Variants in ENTPD5 observed in about 807,000 individuals in gnomAD.
The protein encoded by ENTPD5 is nucleoside diphosphate phosphatase ENTPD5.
ENTPD5 carries 49 observed loss-of-function variants against 60.2 expected under a neutral mutation model. That is an observed-to-expected ratio of 0.81 (90% CI 0.65 to 1.03). ENTPD5 has a LOEUF of 1.03. Ranked by LOEUF, ENTPD5 falls within the 50% of genes least tolerant of loss-of-function variation. ENTPD5 has a pLI of 0.00. For synonymous variants in ENTPD5, 187 were observed against 185.4 expected (o/e 1.01, Z -0.07); for missense variants, 480 against 507.6 (o/e 0.95, Z 0.52).
At chr14:74,000,401 T>C (rs1231718749) in intron 3 of ENTPD5, among the ~76,000 whole-genome samples, 1 of 148,836 alleles carries the variant, frequency 6.7e-6, no homozygotes, top group East Asian at 2.0e-4. Flanking sequence ...TGGAGGTTGC[T>C]GTGAGTTGAG....
At chr14:73,974,282 T>G (rs571699295) in intron 11 of ENTPD5, among the ~76,000 whole-genome samples, 3 of 152,162 alleles carry the variant, frequency 2.0e-5, no homozygotes, top group Admixed American at 1.3e-4. Flanking sequence ...ACAGCAACTT[T>G]CCACCTTTAT....
chr14:73,956,635 CT>C (rs2056450172), downstream of ENTPD5: 5 of 137,142 alleles, frequency 3.6e-5, no homozygotes, highest in Admixed American at 2.3e-4. Context: ...TTTTCATGTC[CT>C]TACTGGCCAT....
intron 3 of ENTPD5, among the ~76,000 whole-genome samples, chr14:73,998,400 C>T (rs1037791434): frequency 6.6e-5 from 10 of 151,826 alleles, no homozygotes; most frequent in African/African-American, 1.7e-4. Context: ...CCCCTTCTTT[C>T]GAAACAGATC....
At chr14:73,957,101 AT>A (rs1418106208), downstream of ENTPD5, among the ~76,000 whole-genome samples, 47 of 143,546 alleles carry the variant, frequency 3.3e-4, no homozygotes, top group Admixed American at 5.6e-4. Context: ...TATTATTATT[AT>A]TTTTTTTTTT....
intron 2 of ENTPD5, among the ~76,000 whole-genome samples, chr14:74,015,080 CAAAAA>C (rs57058415): frequency 8.0e-6 from 1 of 125,772 alleles, no homozygotes; most frequent in African/African-American, 2.9e-5. Flanking sequence ...GACTACCTCT[CAAAAA>C]AAAAAAAAAA....
At chr14:73,974,856 G>T in intron 11 of ENTPD5, 68 bp downstream of exon 11, 1 of 1,265,572 alleles carries the variant, frequency 7.9e-7, no homozygotes. Flanking sequence ...TATCAAGGAA[G>T]GGAAGAAGCA....
intron 10 of ENTPD5, 54 bp from the exon 11 acceptor site, chr14:73,975,039 A>T: frequency 7.6e-7 from 1 of 1,324,064 alleles, no homozygotes; most frequent in Non-Finnish European, 1.1e-6. Context: ...TCTCTAGCCT[A>T]AAGCTACCTC....
At chr14:73,987,765 A>C in intron 4 of ENTPD5, 121 bp downstream of exon 4, 2 of 771,554 alleles carry the variant, frequency 2.6e-6, no homozygotes, top group Non-Finnish European at 4.1e-6. Flanking sequence ...CTCTGAAGAA[A>C]GACATCCACT....
chr14:73,959,909 C>T (rs1166461134), downstream of ENTPD5: 2 of 1,188,428 alleles, frequency 1.7e-6, no homozygotes, highest in African/African-American at 3.2e-5. Context: ...AGTAACCAGT[C>T]AGCTGTCCCT....
intron 4 of ENTPD5, 28 bp downstream of exon 4, chr14:73,987,858 C>T (rs2057966218): frequency 1.2e-6 from 2 of 1,609,020 alleles, no homozygotes; most frequent in African/African-American, 2.7e-5. Context: ...GATTTACAGA[C>T]TCTACTAAGG....
chr14:73,985,899 C>T (rs945152403), intron 5 of ENTPD5, among the ~76,000 whole-genome samples: 2 of 151,800 alleles, frequency 1.3e-5, no homozygotes, highest in African/African-American at 4.8e-5. Context: ...TAGTGAAACC[C>T]CGTCTCTACT....
At chr14:73,962,870 A>AG (rs1271757237), downstream of ENTPD5, 6 of 1,016,794 alleles carry the variant, frequency 5.9e-6, no homozygotes, top group East Asian at 4.8e-5. Context: ...AAATAAAACA[A>AG]GGACACTTGG....
intron 15 of ENTPD5, among the ~76,000 whole-genome samples, chr14:73,967,699 CT>C (rs1201932144): frequency 1.3e-5 from 2 of 149,508 alleles, no homozygotes; most frequent in African/African-American, 4.9e-5. Context: ...ACTCAGAGGG[CT>C]GAGGTGGGAG....
At chr14:73,994,190 A>G (rs1398436949) in intron 3 of ENTPD5, among the ~76,000 whole-genome samples, 1 of 151,958 alleles carries the variant, frequency 6.6e-6, no homozygotes, top group Non-Finnish European at 1.5e-5. Context: ...CAATGGTGCA[A>G]TCTTGGCTCA....
chr14:73,962,221 C>T (rs1249784958), downstream of ENTPD5, among the ~76,000 whole-genome samples: 1 of 152,216 alleles, frequency 6.6e-6, no homozygotes, highest in African/African-American at 2.4e-5. Context: ...GCTGGGATTA[C>T]AGGCGTGAGC....
At chr14:73,977,120 A>G in intron 7 of ENTPD5, 61 bp from the exon 8 acceptor site, 1 of 1,513,540 alleles carries the variant, frequency 6.6e-7, no homozygotes, top group Admixed American at 2.0e-5. Context: ...CCTGGCCCCA[A>G]CCTTGTTTTT....
At chr14:73,979,472 C>CTTTTTTT (rs535777164) in intron 6 of ENTPD5, among the ~76,000 whole-genome samples, 1 of 137,680 alleles carries the variant, frequency 7.3e-6, no homozygotes, top group African/African-American at 2.7e-5. Flanking sequence ...ATAGTAAGCA[C>CTTTTTTT]TTTTTTTTTT....
chr14:73,992,803 G>A (rs188513841), intron 3 of ENTPD5, among the ~76,000 whole-genome samples: 126 of 152,086 alleles, frequency 8.3e-4, no homozygotes, highest in Non-Finnish European at 1.3e-3. Flanking sequence ...AGGAGTACGA[G>A]ACCAGCCTGG....
chr14:73,974,834 T>A, intron 11 of ENTPD5, 90 bp downstream of exon 11: 1 of 1,026,258 alleles, frequency 9.7e-7, no homozygotes, highest in Non-Finnish European at 1.5e-6. Context: ...ATCTTTTCCT[T>A]CATAGAATGG....
Sources: allele counts gnomAD v4.1 joint callset (sites outside exome capture counted in the v4.1 genomes callset), GRCh38; gene constraint gnomAD v4.1.1; transcripts MANE v1.5; gene names NCBI Gene and HGNC (gene_info 2026-07-23, HGNC 2026-07-21).